The following RAB7B variants were observed in gnomAD, a reference collection of about 807,000 sequenced individuals.
The protein encoded by RAB7B is RAB7B, member RAS oncogene family.
Position 205,978,716 on chromosome 1 carries a change from G to A in RAB7B, c.*135C>T, listed in dbSNP as rs1454220789. On this transcript the variant is annotated 3_prime_UTR_variant, in exon 6 of 6. Transcript: ENST00000617070. ...CAGCACCAGGGTCAAGGGCTCTGCC[G>A]CAGAGCTTAGGCCCCCTGCACTGTG... 64 of 394,064 alleles carry A rather than the reference G, an allele frequency of 1.6e-4. No individual in the cohort carries two copies. The Admixed American group carries it at 2.4e-3, about 15-fold the overall frequency. 24.4% of individuals were successfully genotyped at this position (394,064 alleles called of 1,614,324 possible).
At chr1:205,989,132 T>TCTCCTCCCCC (rs1660672801) in intron 4 of RAB7B, among the ~76,000 whole-genome samples, 1 of 151,022 alleles carries the variant, frequency 6.6e-6, no homozygotes, top group African/African-American at 2.5e-5. Context: ...TCCTCCATCC[T>TCTCCTCCCCC]CTCCTCCATC....
At position 205,977,528 on chromosome 1, in the gene RAB7B, G is replaced by T. The variant is rs1460731101; in HGVS notation, c.*1323C>A. The T allele has an allele frequency of 3.3e-5, 5 of 152,172 alleles. No homozygotes were observed. Among genetic ancestry groups the T allele is most frequent in the Non-Finnish European group, 5.9e-5 (4 of 68,032 alleles). The allele number at this position is 152,172 out of a possible 1,614,324, so 9.4% of individuals were successfully genotyped here. A position where few individuals can be genotyped will look rare whatever the true frequency, so the allele number is the denominator to read the frequency against. On this transcript the variant is annotated 3_prime_UTR_variant, in exon 6 of 6. Coordinates refer to ENST00000617070, the MANE Select transcript of RAB7B (RefSeq NM_001164522.3). The stretch of plus-strand genomic sequence containing the variant: ...AAACCCCAGCTCCTAAAACCTTCAT[G>T]AGCATCCACTTTCTGCTCAGCCTGG...
At chr1:205,982,716 C>G (rs891894627) in intron 5 of RAB7B, among the ~76,000 whole-genome samples, 2 of 152,176 alleles carry the variant, frequency 1.3e-5, no homozygotes, top group African/African-American at 4.8e-5. Context: ...TCCACCCCAG[C>G]TGGGGGCTCA....
Position 205,992,470 on chromosome 1 carries a change from C to T in RAB7B, c.396+10G>A, listed in dbSNP as rs1037808816. ...AATGTTTGTTGAATGAATAAATGAA[C>T]GAACAGTACCTTCCGGTCTGCCAGA... On this transcript the variant is annotated intron_variant, in intron 4 of 5. Coordinates refer to ENST00000617070, the MANE Select transcript of RAB7B (RefSeq NM_001164522.3). 5.2e-3 allele frequency: 2,056 copies of T among 398,632 alleles called. 41 individuals are homozygous for T. Among genetic ancestry groups the T allele is most frequent in the African/African-American group, 0.037 (1,820 of 48,738 alleles). 24.7% of individuals were successfully genotyped at this position (398,632 alleles called of 1,614,324 possible).
chr1:205,988,322 G>A (rs974766211), intron 4 of RAB7B, among the ~76,000 whole-genome samples: 19 of 147,272 alleles, frequency 1.3e-4, no homozygotes, highest in Non-Finnish European at 1.9e-4. Flanking sequence ...TCTCCCTCCC[G>A]TGTTCAAGCG....
chr1:205,996,119 C>T (rs1660809126), intron 1 of RAB7B, among the ~76,000 whole-genome samples: 2 of 135,826 alleles, frequency 1.5e-5, no homozygotes, highest in African/African-American at 2.9e-5. Context: ...ATGTCTTGTT[C>T]CTATAAGAGA....
chr1:206,001,550 C>G (rs1041192844), intron 1 of RAB7B, among the ~76,000 whole-genome samples: 7 of 152,174 alleles, frequency 4.6e-5, no homozygotes, highest in South Asian at 2.1e-4. Context: ...ATGCTTCAAA[C>G]CAAGGAATCC....
At chr1:205,981,148 C>T (rs1251904980) in intron 5 of RAB7B, among the ~76,000 whole-genome samples, 1 of 152,026 alleles carries the variant, frequency 6.6e-6, no homozygotes, top group African/African-American at 2.4e-5. Context: ...TCTGCCTTGC[C>T]GGATGTAATC....
intron 5 of RAB7B, among the ~76,000 whole-genome samples, chr1:205,979,434 C>T (rs927814718): frequency 6.6e-6 from 1 of 152,150 alleles, no homozygotes; most frequent in Admixed American, 6.5e-5. Context: ...TTCTCCCGGG[C>T]CCTTTTGCTT....
At position 205,977,817 on chromosome 1, in the gene RAB7B, GC is replaced by G. The variant is rs1484382733; in HGVS notation, c.*1033del. The G allele has an allele frequency of 4.6e-5, 7 of 152,264 alleles. No homozygotes were observed. The East Asian group carries it at 1.4e-3, about 29-fold the overall frequency. 9.4% of individuals were successfully genotyped at this position (152,264 alleles called of 1,614,324 possible). A position where few individuals can be genotyped will look rare whatever the true frequency, so the allele number is the denominator to read the frequency against. On this transcript the variant is annotated 3_prime_UTR_variant, in exon 6 of 6. Transcript: ENST00000617070. ...TCATTCTCTAGCCCTCAGACCAAAT[GC>G]CACCTCCTCAGGGAAGCCCTCCTGG...
At chr1:205,982,321 GATC>G (rs1660508899) in intron 5 of RAB7B, among the ~76,000 whole-genome samples, 1 of 152,214 alleles carries the variant, frequency 6.6e-6, no homozygotes, top group South Asian at 2.1e-4. Flanking sequence ...CCCTGCATTT[GATC>G]ATCATCAGCT....
rs1041973948 is a variant in RAB7B, at chr1:206,000,760, G to A, written c.-17+2493C>T. On this transcript the variant is annotated intron_variant, in intron 1 of 5. Coordinates refer to ENST00000617070, the MANE Select transcript of RAB7B (RefSeq NM_001164522.3). Reference sequence around the variant, plus strand: ...CCATGGCTGACTTCAAGCTACCAGCGTGGAGCCTGCTCCAGCACACTCCTG... The same window carrying A: ...CCATGGCTGACTTCAAGCTACCAGCATGGAGCCTGCTCCAGCACACTCCTG... Among the ~76,000 whole-genome samples the A allele has an allele frequency of 2.8e-3, 426 of 152,294 alleles. 3 individuals are homozygous for A. The highest frequency in any genetic ancestry group is 9.2e-3 in the East Asian group (48 of 5,194).
intron 4 of RAB7B, among the ~76,000 whole-genome samples, chr1:205,987,991 C>T (rs1449438951): frequency 1.3e-5 from 2 of 151,960 alleles, no homozygotes; most frequent in Non-Finnish European, 2.9e-5. Flanking sequence ...GTGATTCTCC[C>T]ACCTCAGCCT....
chr1:206,003,150 A>G (rs1660915198), intron 1 of RAB7B, 103 bp downstream of exon 1: 1 of 152,244 alleles, frequency 6.6e-6, no homozygotes, highest in Non-Finnish European at 1.5e-5. Context: ...TGGAAATCTC[A>G]TCCTTGCATT....
At chr1:205,992,177 G>A (rs1660732384) in intron 4 of RAB7B, among the ~76,000 whole-genome samples, 1 of 152,130 alleles carries the variant, frequency 6.6e-6, no homozygotes, top group Admixed American at 6.5e-5. Flanking sequence ...TGTTTATTCA[G>A]CCCAGAACCC....
intron 1 of RAB7B, among the ~76,000 whole-genome samples, chr1:205,994,814 A>C (rs1206456959): frequency 6.6e-6 from 1 of 152,218 alleles, no homozygotes; most frequent in Admixed American, 6.5e-5. Flanking sequence ...TACTGTTTAT[A>C]AACATCCAAC....
intron 4 of RAB7B, among the ~76,000 whole-genome samples, chr1:205,989,374 G>T (rs989202161): frequency 6.6e-6 from 1 of 151,998 alleles, no homozygotes; most frequent in African/African-American, 2.4e-5. Context: ...CCACCCTGGG[G>T]CTTGGATTGG....
rs919087082 is a variant in RAB7B, at chr1:205,998,687, C to T, written c.-16-4536G>A. ...ACGACCATGCAGCAGGGCTGGAGTA[C>T]GTCTCACGTTACAAGCTAACATTTG... On this transcript the variant is annotated intron_variant, in intron 1 of 5. Coordinates refer to ENST00000617070, the MANE Select transcript of RAB7B (RefSeq NM_001164522.3). 1.0e-3 allele frequency among the ~76,000 whole-genome samples: 154 copies of T among 152,294 alleles called. 1 individual carries two copies. Among genetic ancestry groups the T allele is most frequent in the South Asian group, 1.7e-3 (8 of 4,830 alleles).
In RAB7B at chr1:205,991,782, A is replaced by G. The variant is rs954514234; in HGVS notation, c.396+698T>C. Among the ~76,000 whole-genome samples, 164 of 152,340 alleles carry G rather than the reference A, an allele frequency of 1.1e-3. 1 individual carries two copies. The highest frequency in any genetic ancestry group is 3.6e-3 in the African/African-American group (150 of 41,574). Reference sequence around the variant, plus strand: ...TTGGTGGCATCTGGACTTTTGGCCCAAGAGCATCTTTTACAAATTCAGTCT... The same window carrying G: ...TTGGTGGCATCTGGACTTTTGGCCCGAGAGCATCTTTTACAAATTCAGTCT... On this transcript the variant is annotated intron_variant, in intron 4 of 5. Coordinates refer to ENST00000617070, the MANE Select transcript of RAB7B (RefSeq NM_001164522.3).
Sources: gnomAD v4.1 joint callset for allele counts (sites outside exome capture counted in the v4.1 genomes callset) on GRCh38, gnomAD v4.1.1 for gene constraint, MANE v1.5 for transcripts, NCBI Gene and HGNC (gene_info 2026-07-23, HGNC 2026-07-21) for gene names.